The following CACNA1E variants were observed in gnomAD, a reference collection of about 807,000 sequenced individuals.
The protein encoded by CACNA1E is voltage-dependent R-type calcium channel subunit alpha-1E.
In CACNA1E, 40 loss-of-function variants were observed where a neutral mutation model predicts 259.2. The ratio of observed to expected loss-of-function variants is 0.15; its 90% CI spans 0.12 to 0.20. The LOEUF (loss-of-function observed/expected upper bound fraction) is 0.20. Among genes scored for constraint, CACNA1E ranks in the 10% least tolerant of loss-of-function variants. CACNA1E has a pLI of 1.00. For synonymous variants in CACNA1E, 1,104 were observed against 1,138.5 expected, an observed-to-expected ratio of 0.97 and a Z score of 0.61; for missense variants, 1,874 against 3,040.1, an observed-to-expected ratio of 0.62 and a Z score of 9.02.
Position 181,736,265 on chromosome 1 carries a change from C to T in CACNA1E, c.3263-10C>T, listed in dbSNP as rs2102574964. 6.3e-7 allele frequency: 1 copy of T among 1,575,636 alleles called. No individual in the cohort carries two copies. Among genetic ancestry groups the T allele is most frequent in the Middle Eastern group, 1.7e-4 (1 of 6,018 alleles). Reference sequence around the variant, plus strand: ...TGATTTCTGAAGATTTCAACGTGTTCCTCTTGCAGTTAGCAACAAGACGGA... The same window carrying T: ...TGATTTCTGAAGATTTCAACGTGTTTCTCTTGCAGTTAGCAACAAGACGGA... On this transcript the variant is annotated splice_polypyrimidine_tract_variant and intron_variant, in intron 21 of 47. Transcript: ENST00000367573.
intron 3 of CACNA1E, among the ~76,000 whole-genome samples, chr1:181,545,550 G>A (rs944770549): frequency 1.3e-5 from 2 of 152,084 alleles, no homozygotes; most frequent in Non-Finnish European, 2.9e-5. Context: ...TGAGGGTGTG[G>A]TCTTGACTAC....
chr1:181,643,617 G>C (rs10910977), intron 6 of CACNA1E, among the ~76,000 whole-genome samples: 1 of 152,022 alleles, frequency 6.6e-6, no homozygotes, highest in African/African-American at 2.4e-5. Context: ...CCCTGGTCTC[G>C]GTAGCATCGT....
rs556262847 is a variant in CACNA1E, at chr1:181,538,803, A to T, written c.512+27293A>T. On this transcript the variant is annotated intron_variant, in intron 3 of 47. Transcript: ENST00000367573. ...CAAACTGACTAGCAAAGTCCTGAGA[A>T]TCTACAAAGTGAAAATCTGTTCAGT... 6.4e-4 allele frequency among the ~76,000 whole-genome samples: 98 copies of T among 152,366 alleles called. No homozygotes were observed. In the South Asian group the frequency reaches 7.9e-3, roughly 12 times the overall value.
intron 3 of CACNA1E, among the ~76,000 whole-genome samples, chr1:181,568,961 C>T (rs1355477258): frequency 6.6e-6 from 1 of 152,174 alleles, no homozygotes; most frequent in East Asian, 1.9e-4. Context: ...TCAGCCACAC[C>T]AGCCTTGTTT....
rs180955581 is a variant in CACNA1E at position 181,696,489 on chromosome 1, C to T, written c.1056-14465C>T. On this transcript the variant is annotated intron_variant, in intron 7 of 47. Transcript: ENST00000367573. ...ACAAACAGAATTATATAACCAAATTCTCTATAGTTACCCCTTCAGAAGTAA... is the reference window on the plus strand; with the variant it reads ...ACAAACAGAATTATATAACCAAATTTTCTATAGTTACCCCTTCAGAAGTAA... Among the ~76,000 whole-genome samples, 44 of 152,290 alleles carry T rather than the reference C, an allele frequency of 2.9e-4. No homozygotes were observed. The East Asian group carries it at 7.9e-3, about 27-fold the overall frequency.
chr1:181,610,747 G>C (rs961511384), intron 6 of CACNA1E, among the ~76,000 whole-genome samples: 7 of 152,174 alleles, frequency 4.6e-5, no homozygotes, highest in African/African-American at 1.4e-4. Flanking sequence ...CATCTTGGGT[G>C]GTTCCAATGA....
At chr1:181,414,518 T>A (rs558471646) in intron 2 of CACNA1E, among the ~76,000 whole-genome samples, 1 of 152,338 alleles carries the variant, frequency 6.6e-6, no homozygotes, top group East Asian at 1.9e-4. Context: ...AGTCCGAATG[T>A]ATGCCGGGCT....
Position 181,640,025 on chromosome 1 carries a change from G to A in CACNA1E, c.952-11313G>A, listed in dbSNP as rs141342019. Among the ~76,000 whole-genome samples the A allele has an allele frequency of 2.9e-3, 440 of 152,258 alleles. 3 individuals are homozygous for A. The highest frequency in any genetic ancestry group is 0.01 in the African/African-American group (419 of 41,536). On this transcript the variant is annotated intron_variant, in intron 6 of 47. Transcript: ENST00000367573. ...TGATACAGGCACCTACTCAAGGGAG[G>A]AATTCGGCATCAGTGTCCCTCACAG...
intron 2 of CACNA1E, among the ~76,000 whole-genome samples, chr1:181,467,636 A>G (rs1662234869): frequency 6.6e-6 from 1 of 152,176 alleles, no homozygotes; most frequent in Admixed American, 6.5e-5. Flanking sequence ...TCAGAAAAAT[A>G]GAGGTGCAGC....
At chr1:181,420,107 T>C (rs1191503098) in intron 2 of CACNA1E, among the ~76,000 whole-genome samples, 1 of 152,158 alleles carries the variant, frequency 6.6e-6, no homozygotes, top group Non-Finnish European at 1.5e-5. Context: ...CCACTGCTTA[T>C]ACAGGTGAAA....
intron 6 of CACNA1E, among the ~76,000 whole-genome samples, chr1:181,619,186 G>A (rs1169983900): frequency 7.4e-6 from 1 of 135,372 alleles, no homozygotes; most frequent in Non-Finnish European, 1.6e-5. Flanking sequence ...ACAAGGGGAC[G>A]GGGTCGGTTT....
rs753470063 is a variant in CACNA1E, at chr1:181,712,687, C to T, written c.1171+1618C>T. ...TGAAGTGGACACAAATATCCCCTAC[C>T]GCTTCCCAGAATGGTAACTCAGGCT... On this transcript the variant is annotated intron_variant, in intron 8 of 47. Coordinates refer to ENST00000367573, the MANE Select transcript of CACNA1E (RefSeq NM_001205293.3). Among the ~76,000 whole-genome samples, 63 of 151,954 alleles carry T rather than the reference C, an allele frequency of 4.1e-4. 1 individual carries two copies. The highest frequency in any genetic ancestry group is 7.9e-4 in the Non-Finnish European group (54 of 67,994).
intron 6 of CACNA1E, among the ~76,000 whole-genome samples, chr1:181,638,669 A>T (rs952763020): frequency 2.6e-5 from 4 of 152,154 alleles, no homozygotes; most frequent in Non-Finnish European, 5.9e-5. Context: ...TATAATCCTC[A>T]CAATCTCCAT....
rs139947156 is a variant in CACNA1E, at chr1:181,379,270, G to A, written c.-14-33863G>A. On this transcript the variant is annotated intron_variant, in intron 1 of 11. Transcript: ENST00000524607. ...TATGCAACTGGAATCCACAAAGGAA[G>A]AGACAGAAAGGAGAGAAAAAATATT... 3.3e-3 allele frequency among the ~76,000 whole-genome samples: 502 copies of A among 152,252 alleles called. 2 individuals carry two copies. Among genetic ancestry groups the A allele is most frequent in the African/African-American group, 0.011 (476 of 41,548 alleles).
intron 6 of CACNA1E, among the ~76,000 whole-genome samples, chr1:181,604,866 T>G (rs1315080899): frequency 6.6e-6 from 1 of 151,942 alleles, no homozygotes; most frequent in African/African-American, 2.4e-5. Context: ...GAGGTCAGAG[T>G]GAATCTTTTA....
chr1:181,641,696 A>ATTTTTTTTTTTTTT (rs1369217611), intron 6 of CACNA1E, among the ~76,000 whole-genome samples: 4 of 104,084 alleles, frequency 3.8e-5, no homozygotes, highest in African/African-American at 1.6e-4. Flanking sequence ...GGCAACACTA[A>ATTTTTTTTTTTTTT]TTTTTTGTTT....
At chr1:181,638,331 G>T (rs753379112) in intron 6 of CACNA1E, among the ~76,000 whole-genome samples, 7 of 152,218 alleles carry the variant, frequency 4.6e-5, no homozygotes, top group Non-Finnish European at 7.4e-5. Flanking sequence ...ATTACAATAT[G>T]AAATTAGAAA....
intron 6 of CACNA1E, among the ~76,000 whole-genome samples, chr1:181,585,711 A>T (rs1452689338): frequency 6.6e-6 from 1 of 152,190 alleles, no homozygotes; most frequent in Admixed American, 6.5e-5. Context: ...CTGGGGGAAG[A>T]GTCTCCTGAG....
intron 1 of CACNA1E, among the ~76,000 whole-genome samples, chr1:181,406,345 G>A (rs116543235): frequency 2.2e-4 from 34 of 152,242 alleles, no homozygotes; most frequent in African/African-American, 7.7e-4. Context: ...GCCAGGTGCT[G>A]TTCTATGAGC....
Sources: allele counts gnomAD v4.1 joint callset (sites outside exome capture counted in the v4.1 genomes callset), GRCh38; gene constraint gnomAD v4.1.1; transcripts MANE v1.5; gene names NCBI Gene and HGNC (gene_info 2026-07-23, HGNC 2026-07-21).